FBXW11: variants seen among roughly 807,000 people sequenced by gnomAD.
The protein encoded by FBXW11 is F-box and WD repeat domain containing 11, also known as F-box/WD repeat-containing protein 11.
A neutral mutation model predicts 77.6 loss-of-function variants in FBXW11; 19 were observed. The observed-to-expected ratio is 0.24, with a 90% CI of 0.17 to 0.36. The LOEUF is 0.36. Among genes scored for constraint, FBXW11 ranks in the 10% least tolerant of loss-of-function variants. The probability of loss-of-function intolerance (pLI) is 1.00; values close to 1 mark genes in which losing one functional copy is unlikely to be tolerated. For missense variants in FBXW11, 334 were observed against 704.2 expected, an observed-to-expected ratio of 0.47 and a Z score of 5.95; for synonymous variants, 235 against 249.4, an observed-to-expected ratio of 0.94 and a Z score of 0.54.
chr5:171,933,986 T>C (rs565896092), intron 2 of FBXW11, among the ~76,000 whole-genome samples: 1 of 152,366 alleles, frequency 6.6e-6, no homozygotes, highest in South Asian at 2.1e-4. Flanking sequence ...TAAGGTTCTG[T>C]GAGATCATGA....
At chr5:171,868,892 T>A in intron 12 of FBXW11, 96 bp from the exon 13 acceptor site, 2 of 1,104,390 alleles carry the variant, frequency 1.8e-6, no homozygotes, top group Non-Finnish European at 2.6e-6. Flanking sequence ...TGCAGCCACT[T>A]AAACAGACTT....
intron 1 of FBXW11, among the ~76,000 whole-genome samples, chr5:171,968,628 G>A (rs1397793236): frequency 2.6e-5 from 4 of 151,882 alleles, no homozygotes; most frequent in Non-Finnish European, 5.9e-5. Flanking sequence ...AGTCCATACC[G>A]CATGACATCT....
intron 2 of FBXW11, among the ~76,000 whole-genome samples, chr5:171,946,042 T>C (rs1243179290): frequency 6.6e-6 from 1 of 152,220 alleles, no homozygotes; most frequent in African/African-American, 2.4e-5. Flanking sequence ...CAGTAGACTT[T>C]GAGTCTATTA....
At chr5:171,927,103 C>G (rs904668265) in intron 2 of FBXW11, among the ~76,000 whole-genome samples, 1 of 152,118 alleles carries the variant, frequency 6.6e-6, no homozygotes, top group Non-Finnish European at 1.5e-5. Flanking sequence ...CATAGGACAT[C>G]CTCAAGACCT....
At chr5:171,999,238 A>C (rs1766265096) in intron 1 of FBXW11, among the ~76,000 whole-genome samples, 1 of 152,166 alleles carries the variant, frequency 6.6e-6, no homozygotes, top group South Asian at 2.1e-4. Context: ...AAAACAGTAT[A>C]CTATGCTTTT....
intron 7 of FBXW11, among the ~76,000 whole-genome samples, chr5:171,884,487 T>C (rs1009608350): frequency 6.6e-6 from 1 of 152,226 alleles, no homozygotes; most frequent in Non-Finnish European, 1.5e-5. Flanking sequence ...TGCCTCCAGA[T>C]TTATTCTTTT....
At chr5:171,956,077 C>T (rs1215796694) in intron 2 of FBXW11, among the ~76,000 whole-genome samples, 1 of 152,146 alleles carries the variant, frequency 6.6e-6, no homozygotes, top group Non-Finnish European at 1.5e-5. Flanking sequence ...CAATTTTTCC[C>T]CCTCTTAAAT....
intron 4 of FBXW11, 54 bp downstream of exon 4, chr5:171,910,518 C>A: frequency 7.6e-7 from 1 of 1,316,914 alleles, no homozygotes; most frequent in Non-Finnish European, 1.1e-6. Context: ...CACCTAGGTC[C>A]TTGGGCCGGG....
Position 171,868,659 on chromosome 5 carries a change from T to C in FBXW11, c.1668A>G (p.Arg556=). 6.2e-7 allele frequency: 1 copy of C among 1,613,544 alleles called. No individual in the cohort carries two copies. The highest frequency in any genetic ancestry group is 8.5e-7 in the Non-Finnish European group (1 of 1,179,788). ...GTTATCTAGAGATGTAAGTGTATGT[T>C]CTGGAGGGAGAACGGGTCTCATTCT... ...SAQNETRSPS[R]TYTYISR Residue 556 remains arginine, a synonymous_variant, in exon 13 of 14, where the codon AGA becomes AGG. Coordinates refer to ENST00000517395, the MANE Select transcript of FBXW11 (RefSeq NM_001378974.1).
At chr5:171,912,574 A>G (rs1415512062) in intron 3 of FBXW11, among the ~76,000 whole-genome samples, 3 of 152,188 alleles carry the variant, frequency 2.0e-5, no homozygotes, top group Non-Finnish European at 4.4e-5. Context: ...ACTCATCACC[A>G]TTAAGAGCTA....
At chr5:171,940,708 T>C (rs1762706536) in intron 2 of FBXW11, among the ~76,000 whole-genome samples, 1 of 151,914 alleles carries the variant, frequency 6.6e-6, no homozygotes, top group African/African-American at 2.4e-5. Flanking sequence ...ACCAACACAG[T>C]GAAACCCCGT....
intron 2 of FBXW11, among the ~76,000 whole-genome samples, chr5:171,917,762 CACTCTG>C (rs940660194): frequency 2.5e-5 from 2 of 80,258 alleles, no homozygotes; most frequent in African/African-American, 3.9e-5. Context: ...ACTCTAGACT[CACTCTG>C]TGTGTGTGTG....
Position 171,905,593 on chromosome 5 carries a change from C to CCG in FBXW11, c.436+4978_436+4979insCG, listed in dbSNP as rs1554098636. On this transcript the variant is annotated intron_variant, in intron 4 of 13. Coordinates refer to ENST00000517395, the MANE Select transcript of FBXW11 (RefSeq NM_001378974.1). ...ATCTCCTCCAGCAAAAAGCTAACCC[C>CCG]CCCCCCTTTATTTTCTTGGTATAAG... 1.2e-3 allele frequency among the ~76,000 whole-genome samples: 120 copies of CCG among 100,642 alleles called. 3 individuals carry two copies. The South Asian group carries it at 0.06, about 50-fold the overall frequency. 66.0% of individuals were successfully genotyped at this position (100,642 alleles called of 152,430 possible). A position where few individuals can be genotyped will look rare whatever the true frequency, so the allele number is the denominator to read the frequency against.
chr5:171,926,218 G>A (rs779480256), intron 2 of FBXW11, among the ~76,000 whole-genome samples: 10 of 152,156 alleles, frequency 6.6e-5, no homozygotes, highest in Non-Finnish European at 1.3e-4. Context: ...GTGGTCTAGG[G>A]AAACAGAAAC....
intron 2 of FBXW11, among the ~76,000 whole-genome samples, chr5:171,936,103 T>C (rs1175162403): frequency 1.8e-5 from 2 of 110,308 alleles, no homozygotes; most frequent in East Asian, 2.6e-4. Context: ...AGAGCTAGAC[T>C]CCATCTAAAA....
At chr5:171,978,831 T>C (rs1764988655) in intron 1 of FBXW11, among the ~76,000 whole-genome samples, 1 of 152,194 alleles carries the variant, frequency 6.6e-6, no homozygotes, top group Admixed American at 6.5e-5. Flanking sequence ...ATTTTAACAC[T>C]TCTCTTTCTT....
intron 1 of FBXW11, among the ~76,000 whole-genome samples, chr5:171,958,288 T>C (rs1288589381): frequency 6.6e-6 from 1 of 152,172 alleles, no homozygotes; most frequent in Non-Finnish European, 1.5e-5. Context: ...CACAAGACTA[T>C]GATGCTGCTA....
chr5:171,872,781 C>T (rs1272936122), intron 10 of FBXW11, 91 bp downstream of exon 10: 14 of 894,258 alleles, frequency 1.6e-5, no homozygotes, highest in Non-Finnish European at 2.4e-5. Flanking sequence ...ATCCCATTTA[C>T]CCTGAGTTGT....
rs529444688 is a variant in FBXW11 at position 171,873,134 on chromosome 5, G to C, written c.1222-144C>G. ...GTGTCCTCTAACTCAAAGTTGGGAG[G>C]CTGGGGGGCAGACTAGACAGCATAA... On this transcript the variant is annotated intron_variant, in intron 9 of 13. Transcript: ENST00000517395. The C allele has an allele frequency of 9.0e-5, 61 of 676,262 alleles. No homozygotes were observed. In the East Asian group the frequency reaches 1.7e-3, roughly 18 times the overall value. 41.9% of individuals were successfully genotyped at this position (676,262 alleles called of 1,614,324 possible). A position where few individuals can be genotyped will look rare whatever the true frequency, so the allele number is the denominator to read the frequency against.
Sources: gnomAD v4.1 joint callset for allele counts (sites outside exome capture counted in the v4.1 genomes callset) on GRCh38, gnomAD v4.1.1 for gene constraint, MANE v1.5 for transcripts, NCBI Gene and HGNC (gene_info 2026-07-23, HGNC 2026-07-21) for gene names.